The following KAZN variants were observed in gnomAD, a reference collection of about 807,000 sequenced individuals.
KAZN encodes kazrin, periplakin interacting protein, also known as kazrin.
A neutral mutation model predicts 87.4 loss-of-function variants in KAZN; 40 were observed. That is an observed-to-expected ratio of 0.46 (90% CI 0.36 to 0.60). The LOEUF (loss-of-function observed/expected upper bound fraction) is 0.60. KAZN is among the 20% of genes least tolerant of loss of function. KAZN has a pLI of 0.00. For synonymous variants in KAZN, 466 were observed against 458.3 expected (o/e 1.02, Z -0.22); for missense variants, 898 against 1,073.9 (o/e 0.84, Z 2.29).
chr1:15,092,882 A>C (rs535679575), intron 8 of KAZN, among the ~76,000 whole-genome samples: 2 of 151,466 alleles, frequency 1.3e-5, no homozygotes, highest in African/African-American at 4.9e-5. Flanking sequence ...GCAACGAACC[A>C]TATATAGAAG....
chr1:14,620,248 A>G (rs974228751), intron 1 of KAZN, among the ~76,000 whole-genome samples: 1 of 152,234 alleles, frequency 6.6e-6, no homozygotes, highest in Non-Finnish European at 1.5e-5. Context: ...AGACAATTCT[A>G]TTTAAAACTA....
chr1:15,056,262 C>T lies in KAZN; in HGVS notation c.898C>T (p.His300Tyr). The T allele has an allele frequency of 1.2e-6, 2 of 1,608,602 alleles. No individual in the cohort carries two copies. Among genetic ancestry groups the T allele is most frequent in the South Asian group, 2.2e-5 (2 of 90,932 alleles). ...QQTLYHSHPPHPADRQAVRVS... is the reference protein window; with the variant it reads ...QQTLYHSHPPYPADRQAVRVS... ...GACTCTCTACCACTCACACCCCCCT[C>T]ACCCTGCGGACCGGCAAGGTGAGTC... Residue 300 changes from histidine (H) to tyrosine (Y), a missense_variant, in exon 5 of 15, where the codon CAC (histidine) becomes TAC (tyrosine). Physicochemically the swap from His to Tyr is moderately conservative, Grantham distance 83 (BLOSUM62 2). Transcript: ENST00000376030. This position sits in a 1 kb window ranked among gnomAD's most constrained non-coding sequence, Gnocchi z 5.4.
intron 2 of KAZN, among the ~76,000 whole-genome samples, chr1:14,315,464 A>G (rs1338414078): frequency 6.6e-6 from 1 of 152,142 alleles, no homozygotes; most frequent in African/African-American, 2.4e-5. Flanking sequence ...TTTGACACAT[A>G]TAGATGCCTG....
chr1:15,043,962 G>C (rs41310369), intron 3 of KAZN, 27 bp from the exon 4 acceptor site: 157,201 of 1,583,508 alleles, frequency 0.099, 8,449 homozygotes, highest in Non-Finnish European at 0.11. Flanking sequence ...TAACACCCAC[G>C]GTGCTCTCTC....
At chr1:14,223,577 T>C (rs1647159957) in intron 2 of KAZN, among the ~76,000 whole-genome samples, 1 of 152,196 alleles carries the variant, frequency 6.6e-6, no homozygotes, top group Non-Finnish European at 1.5e-5. Flanking sequence ...TGTCTTCTTC[T>C]TCCTTATGTT....
At chr1:14,163,168 C>T (rs1194634675) in intron 1 of KAZN, among the ~76,000 whole-genome samples, 3 of 152,048 alleles carry the variant, frequency 2.0e-5, no homozygotes, top group Non-Finnish European at 4.4e-5. Flanking sequence ...ATCTGAGGGG[C>T]ATAAGGCAGA....
chr1:14,237,258 AT>A (rs2100563338), intron 2 of KAZN, among the ~76,000 whole-genome samples: 1 of 152,270 alleles, frequency 6.6e-6, no homozygotes, highest in Non-Finnish European at 1.5e-5. Flanking sequence ...CAAGGAGAAT[AT>A]TCCCGAATCT....
chr1:14,658,750 A>G (rs1638961304), intron 1 of KAZN, among the ~76,000 whole-genome samples: 1 of 152,054 alleles, frequency 6.6e-6, no homozygotes, highest in South Asian at 2.1e-4. Context: ...CTGCATCCCC[A>G]CATTCCCTCG....
intron 2 of KAZN, among the ~76,000 whole-genome samples, chr1:14,382,787 A>G (rs1557678463): frequency 1.3e-5 from 2 of 150,294 alleles, no homozygotes; most frequent in Non-Finnish European, 3.0e-5. Flanking sequence ...ATACGTGTGC[A>G]TGTGTCTTTA....
At chr1:14,496,571 G>T (rs571179244) in intron 2 of KAZN, among the ~76,000 whole-genome samples, 65 of 151,912 alleles carry the variant, frequency 4.3e-4, no homozygotes, top group African/African-American at 1.4e-3. Context: ...TGTTGAAAAG[G>T]TTCGTGATCA....
chr1:14,563,780 G>A (rs1321504807), intron 2 of KAZN, among the ~76,000 whole-genome samples: 1 of 151,252 alleles, frequency 6.6e-6, no homozygotes, highest in Non-Finnish European at 1.5e-5. Context: ...TTCCCAAATG[G>A]TCTCCTTGTC....
At chr1:15,112,203 G>A (rs1247728419) in intron 13 of KAZN, 5 of 570,194 alleles carry the variant, frequency 8.8e-6, no homozygotes, top group Non-Finnish European at 1.6e-5. Context: ...TCCTTTCCCT[G>A]TAATGCTGGG....
At chr1:14,670,289 G>C (rs747996643) in intron 1 of KAZN, among the ~76,000 whole-genome samples, 20 of 152,138 alleles carry the variant, frequency 1.3e-4, no homozygotes, top group Non-Finnish European at 2.1e-4. Flanking sequence ...TGTCCTCCTA[G>C]TCAAAGGCAG....
intron 2 of KAZN, among the ~76,000 whole-genome samples, chr1:14,574,054 T>C (rs1351707514): frequency 6.6e-6 from 1 of 152,086 alleles, no homozygotes; most frequent in Non-Finnish European, 1.5e-5. Context: ...ACGTTTCCAA[T>C]GAATAATTTT....
intron 1 of KAZN, among the ~76,000 whole-genome samples, chr1:13,977,479 A>G (rs1311595836): frequency 2.0e-5 from 3 of 152,224 alleles, no homozygotes; most frequent in African/African-American, 7.2e-5. Flanking sequence ...GTAAAATCAG[A>G]TAAGATATGT....
intron 2 of KAZN, among the ~76,000 whole-genome samples, chr1:14,490,993 GAGA>G (rs1669618621): frequency 6.6e-6 from 1 of 152,116 alleles, no homozygotes; most frequent in Non-Finnish European, 1.5e-5. Context: ...AAACTAATTG[GAGA>G]AGAATTGTCA....
At chr1:15,103,554 CA>C (rs1421153440) in intron 12 of KAZN, 94 bp downstream of exon 12, 9 of 822,330 alleles carry the variant, frequency 1.1e-5, no homozygotes, top group East Asian at 2.7e-5. Flanking sequence ...ACATGCAAAT[CA>C]ATATGCAGAT....
intron 1 of KAZN, among the ~76,000 whole-genome samples, chr1:14,177,608 G>T (rs1174849193): frequency 6.6e-6 from 1 of 152,016 alleles, no homozygotes; most frequent in Non-Finnish European, 1.5e-5. Context: ...CTCCTGGTTT[G>T]CATAGATTCC....
intron 2 of KAZN, among the ~76,000 whole-genome samples, chr1:14,493,531 G>C (rs1669790329): frequency 6.6e-6 from 1 of 152,126 alleles, no homozygotes; most frequent in Non-Finnish European, 1.5e-5. Context: ...CTCCCACAAT[G>C]TATGTTGTTT....
Sources: allele counts gnomAD v4.1 joint callset (sites outside exome capture counted in the v4.1 genomes callset), GRCh38; gene constraint gnomAD v4.1.1; non-coding constraint Gnocchi (gnomAD v3.1); transcripts MANE v1.5; gene names NCBI Gene and HGNC (gene_info 2026-07-23, HGNC 2026-07-21).